Variants in TRMT44 observed in about 807,000 individuals in gnomAD.
TRMT44 encodes the protein probable tRNA (uracil-O(2)-)-methyltransferase.
Under a neutral mutation model 77.3 loss-of-function variants are expected in TRMT44, and 78 were observed. That is an observed-to-expected ratio of 1.01 (90% CI 0.84 to 1.22). The LOEUF is 1.22. TRMT44 is among the 50% of genes most tolerant of loss of function. The pLI is 0.00. For synonymous variants in TRMT44, 391 were observed against 383.3 expected (o/e 1.02, Z -0.23); for missense variants, 1,090 against 964.4 (o/e 1.13, Z -1.73).
Position 8,449,808 on chromosome 4 carries a change from A to C in TRMT44, c.874A>C (p.Ser292Arg), listed in dbSNP as rs1351358146. ...SVENKKSDFK[S>R]TLSLISIMKY... ...AGAGAACAAGAAGAGTGACTTTAAA[A>C]GCACCCTTTCCCTCATCTCCATTAT... Residue 292 changes from serine (S) to arginine (R), a missense_variant, in exon 3 of 11, where the codon AGC becomes CGC. By Grantham distance (110) the Ser-to-Arg change is moderately radical. Coordinates refer to ENST00000389737, the MANE Select transcript of TRMT44 (RefSeq NM_152544.3). 1 of 1,536,060 alleles carries C rather than the reference A, an allele frequency of 6.5e-7. No individual in the cohort carries two copies. The highest frequency in any genetic ancestry group is 2.0e-5 in the Admixed American group (1 of 50,996).
chr4:8,467,156 C>T (rs1406335152), intron 8 of TRMT44, among the ~76,000 whole-genome samples: 1 of 152,198 alleles, frequency 6.6e-6, no homozygotes, highest in Admixed American at 6.5e-5. Flanking sequence ...CTCTGCGCAG[C>T]CCCCGTATGC....
chr4:8,508,628 T>G, the TRMT44 span, among the ~76,000 whole-genome samples: 1 of 152,208 alleles, frequency 6.6e-6, no homozygotes, highest in Non-Finnish European at 1.5e-5. Flanking sequence ...TGACCGACTG[T>G]GGCCATGGGG....
intron 6 of TRMT44, among the ~76,000 whole-genome samples, chr4:8,460,869 A>T (rs182948014): frequency 2.1e-4 from 32 of 149,082 alleles, no homozygotes; most frequent in African/African-American, 7.7e-4. Context: ...ATTTTTTTGG[A>T]GACAGGGTCT....
At chr4:8,492,945 CAT>C (rs1491388696) in intron 2 of TRMT44, among the ~76,000 whole-genome samples, 1 of 152,192 alleles carries the variant, frequency 6.6e-6, no homozygotes, top group Non-Finnish European at 1.5e-5. Flanking sequence ...ACCTTGGGCA[CAT>C]GTCGTCAGGA....
chr4:8,466,341 CT>C (rs112791693), intron 8 of TRMT44, among the ~76,000 whole-genome samples: 18,103 of 152,280 alleles, frequency 0.12, 1,535 homozygotes, highest in African/African-American at 0.24. Context: ...CGGAGCTCCG[CT>C]AAGCCTGTCC....
intron 2 of TRMT44, among the ~76,000 whole-genome samples, chr4:8,493,082 C>T (rs773856387): frequency 7.2e-5 from 11 of 152,196 alleles, no homozygotes; most frequent in African/African-American, 1.9e-4. Flanking sequence ...AAGACAATAA[C>T]AACTCTTTTC....
At chr4:8,493,125 A>C (rs1728058511) in intron 2 of TRMT44, 1 of 152,258 alleles carries the variant, frequency 6.6e-6, no homozygotes. Flanking sequence ...TGAGGATCAG[A>C]CTGCCTTTGT....
At chr4:8,501,024 G>A in the TRMT44 span, among the ~76,000 whole-genome samples, 2 of 152,170 alleles carry the variant, frequency 1.3e-5, no homozygotes, top group South Asian at 4.1e-4. This position sits in a 1 kb window ranked among gnomAD's most constrained non-coding sequence, Gnocchi z 4.4. Flanking sequence ...GGGTGAGAAC[G>A]CTTGGGAAGC....
intron 9 of TRMT44, among the ~76,000 whole-genome samples, chr4:8,470,401 C>T (rs1229723600): frequency 6.6e-6 from 1 of 152,236 alleles, no homozygotes; most frequent in African/African-American, 2.4e-5. Context: ...ATGTGAGGTG[C>T]AGCACCTGGC....
intron 6 of TRMT44, among the ~76,000 whole-genome samples, chr4:8,458,264 A>C (rs1453761797): frequency 6.6e-6 from 1 of 152,134 alleles, no homozygotes; most frequent in Non-Finnish European, 1.5e-5. Flanking sequence ...AGTTACACTG[A>C]ATGTGCCTGC....
At position 8,468,105 on chromosome 4, in the gene TRMT44, C is replaced by T; in HGVS notation, c.1686C>T (p.Ala562=). The change falls in exon 9 of 11, where the codon GCC becomes GCT. Residue 562 remains alanine (A), a synonymous_variant. Coordinates refer to ENST00000389737, the MANE Select transcript of TRMT44 (RefSeq NM_152544.3). ...GTGACGGTCAGCAAGCTCTGGACGC[C>T]AGGGTCGGGTGTGTAACCAGGGCCT... ...GHCDGQQALD[A]RVGCVTRAWA... is the part of the protein sequence containing the mutation. 6.2e-7 allele frequency: 1 copy of T among 1,613,926 alleles called. No homozygotes were observed. The highest frequency in any genetic ancestry group is 8.5e-7 in the Non-Finnish European group (1 of 1,179,998).
In TRMT44 at chr4:8,449,883, G is replaced by A; in HGVS notation, c.949G>A (p.Val317Ile). The change falls in exon 3 of 11, where the codon GTT becomes ATT. Residue 317 changes from valine to isoleucine, a missense_variant. Transcript: ENST00000389737. ...QELKEKYKEM[V>I]KVWPEVTDPE... ...ACTTAAAGAGAAGTATAAGGAAATG[G>A]TTAAGGTAATTCTGGTGGAGAATAT... 3.4e-6 allele frequency: 5 copies of A among 1,465,914 alleles called. No individual in the cohort carries two copies. The highest frequency in any genetic ancestry group is 4.5e-6 in the Non-Finnish European group (5 of 1,102,770). The allele number at this position is 1,465,914 out of a possible 1,614,324, so 90.8% of individuals were successfully genotyped here. A position where few individuals can be genotyped will look rare whatever the true frequency, so the allele number is the denominator to read the frequency against.
chr4:8,488,526 T>C, intron 2 of TRMT44, among the ~76,000 whole-genome samples: 1 of 152,222 alleles, frequency 6.6e-6, no homozygotes. Flanking sequence ...TTTCACAAGG[T>C]AATGTCATCA....
At chr4:8,467,137 C>T (rs889872051) in intron 8 of TRMT44, among the ~76,000 whole-genome samples, 4 of 152,240 alleles carry the variant, frequency 2.6e-5, no homozygotes, top group African/African-American at 9.6e-5. Flanking sequence ...ACCTCTATGG[C>T]TCCAGGCCCT....
At position 8,451,259 on chromosome 4, in the gene TRMT44, C is replaced by T. The variant is rs929688410; in HGVS notation, c.955-701C>T. Among the ~76,000 whole-genome samples the T allele has an allele frequency of 6.6e-6, 1 of 152,102 alleles. No homozygotes were observed. Among genetic ancestry groups the T allele is most frequent in the East Asian group, 1.9e-4 (1 of 5,184 alleles). On this transcript the variant is annotated intron_variant, in intron 3 of 10. Coordinates refer to ENST00000389737, the MANE Select transcript of TRMT44 (RefSeq NM_152544.3). This position sits in a 1 kb window ranked among gnomAD's most constrained non-coding sequence, Gnocchi z 4.1. ...ATCTTGTTAGCTATTTGGTACCGTC[C>T]AGAAGGTACTTTTTATGTTTTTCCA...
chr4:8,514,219 A>G, the TRMT44 span, among the ~76,000 whole-genome samples: 4 of 147,058 alleles, frequency 2.7e-5, no homozygotes, highest in South Asian at 2.2e-4. Flanking sequence ...CAAGCAGACT[A>G]TGCACCCACA....
chr4:8,464,170 A>G, intron 7 of TRMT44, 79 bp downstream of exon 7: 1 of 1,130,472 alleles, frequency 8.8e-7, no homozygotes. Flanking sequence ...AAGGGTAGCC[A>G]CTAGCTGCGT....
chr4:8,454,431 T>A (rs1033713514), intron 5 of TRMT44: 6 of 338,620 alleles, frequency 1.8e-5, no homozygotes, highest in Non-Finnish European at 3.3e-5. Flanking sequence ...CTTAGAGGCG[T>A]AGGCAAATAT....
rs569627030 is a variant in TRMT44, at chr4:8,451,334, G to A, written c.955-626G>A. Reference sequence around the variant, plus strand: ...ATGGTTCATCTGTATTGTCTAAGGCGCTGTGACTGGAAATAGAAATTTCAA... The same window carrying A: ...ATGGTTCATCTGTATTGTCTAAGGCACTGTGACTGGAAATAGAAATTTCAA... On this transcript the variant is annotated intron_variant, in intron 3 of 10. Transcript: ENST00000389737. The surrounding 1 kb of genome is among the most constrained non-coding windows in gnomAD (Gnocchi z 4.1). Among the ~76,000 whole-genome samples the A allele has an allele frequency of 6.6e-6, 1 of 152,142 alleles. No individual in the cohort carries two copies. Among genetic ancestry groups the A allele is most frequent in the Non-Finnish European group, 1.5e-5 (1 of 68,026 alleles).
Sources: allele counts gnomAD v4.1 joint callset (sites outside exome capture counted in the v4.1 genomes callset), GRCh38; gene constraint gnomAD v4.1.1; non-coding constraint Gnocchi (gnomAD v3.1); transcripts MANE v1.5; gene names NCBI Gene and HGNC (gene_info 2026-07-23, HGNC 2026-07-21).